Variants in ELN observed in about 807,000 individuals in gnomAD.
ELN encodes the protein elastin, also known as tropoelastin.
ELN carries 65 observed loss-of-function variants against 105.8 expected under a neutral mutation model. The ratio of observed to expected loss-of-function variants is 0.61; its 90% CI spans 0.50 to 0.75. ELN has a LOEUF of 0.75. Ranked by LOEUF, ELN falls within the 30% of genes least tolerant of loss-of-function variation. The pLI is 0.00. For missense variants in ELN, 882 were observed against 969.4 expected (o/e 0.91, Z 1.20); for synonymous variants, 368 against 389.2 (o/e 0.95, Z 0.64).
At chr7:74,047,740 T>C (rs781898413) in intron 13 of ELN, 24 bp downstream of exon 13, 22 of 1,614,076 alleles carry the variant, frequency 1.4e-5, no homozygotes, top group Non-Finnish European at 1.9e-5. Flanking sequence ...TTCTAGACTG[T>C]GGGCTTCCAG....
At position 74,033,722 on chromosome 7, in the gene ELN, C is replaced by A. The variant is rs532038323; in HGVS notation, c.83-1642C>A. On this transcript the variant is annotated intron_variant, in intron 1 of 32. Coordinates refer to ENST00000252034, the MANE Select transcript of ELN (RefSeq NM_000501.4). ...CAGCAAGCCCAGCTGTGCAGCGTCG[C>A]CAGGCCTCAGAGGCCAGACGTCTGG... Among the ~76,000 whole-genome samples the A allele has an allele frequency of 3.9e-5, 6 of 152,344 alleles. No individual in the cohort carries two copies. In the South Asian group the frequency reaches 1.2e-3, roughly 32 times the overall value.
chr7:74,029,113 G>C (rs901218973), intron 1 of ELN, among the ~76,000 whole-genome samples: 1 of 152,178 alleles, frequency 6.6e-6, no homozygotes, highest in Non-Finnish European at 1.5e-5. Context: ...CAGACATGTA[G>C]ACATGTACAC....
rs372788076 is a variant in ELN, at chr7:74,060,008, G to A, written c.1537G>A (p.Val513Ile). 124 of 1,614,034 alleles carry A rather than the reference G, an allele frequency of 7.7e-5. No homozygotes were observed. Among genetic ancestry groups the A allele is most frequent in the Non-Finnish European group, 8.8e-5 (104 of 1,179,996 alleles). Residue 513 changes from valine to isoleucine, a missense_variant, in exon 23 of 33, where the codon GTT becomes ATT. By Grantham distance (29) the Val-to-Ile change is conservative (BLOSUM62 3). Transcript: ENST00000252034. ...TCCTGGAGTTGGTGTGGCTCCTGGCGTTGGCGTGGCTCCCGGCATTGGCCC... is the reference window on the plus strand; with the variant it reads ...TCCTGGAGTTGGTGTGGCTCCTGGCATTGGCGTGGCTCCCGGCATTGGCCC... ...VAPGVGVAPG[V>I]GVAPGIGPGG...
Position 74,043,043 on chromosome 7 carries a change from G to T in ELN, c.376+9G>T, listed in dbSNP as rs199558693. Reference sequence around the variant, plus strand: ...CTTAGGAGTGTCTGCAGGTACGATGGCTATCCCCGAACTCCCTGGGTCAAA... The same window carrying T: ...CTTAGGAGTGTCTGCAGGTACGATGTCTATCCCCGAACTCCCTGGGTCAAA... On this transcript the variant is annotated intron_variant, in intron 7 of 32. Coordinates refer to ENST00000252034, the MANE Select transcript of ELN (RefSeq NM_000501.4). 2 of 1,614,158 alleles carry T rather than the reference G, an allele frequency of 1.2e-6. No individual in the cohort carries two copies. Among genetic ancestry groups the T allele is most frequent in the African/African-American group, 2.7e-5 (2 of 75,032 alleles).
intron 25 of ELN, 21 bp from the exon 26 acceptor site, chr7:74,061,080 C>A: frequency 6.2e-7 from 1 of 1,614,116 alleles, no homozygotes; most frequent in South Asian, 1.1e-5. Context: ...TGACCACTCC[C>A]CAACTTTTCT....
At chr7:74,056,755 C>A in intron 21 of ELN, 42 bp downstream of exon 21, 5 of 1,612,952 alleles carry the variant, frequency 3.1e-6, no homozygotes, top group South Asian at 1.1e-5. Context: ...CCTGCTCTCC[C>A]GCGGGGCTCA....
chr7:74,040,422 T>A (rs1217268755), intron 4 of ELN, among the ~76,000 whole-genome samples: 1 of 152,020 alleles, frequency 6.6e-6, no homozygotes, highest in Non-Finnish European at 1.5e-5. Flanking sequence ...TAGTAGGAAA[T>A]GAGGGACGAG....
chr7:74,029,392 G>A (rs1225520742), intron 1 of ELN, among the ~76,000 whole-genome samples: 2 of 152,126 alleles, frequency 1.3e-5, no homozygotes, highest in African/African-American at 4.8e-5. Flanking sequence ...TGTGCCCTGT[G>A]GGGCTGCTAT....
intron 29 of ELN, among the ~76,000 whole-genome samples, chr7:74,065,093 T>C (rs901728980): frequency 3.7e-4 from 56 of 151,262 alleles, no homozygotes; most frequent in African/African-American, 1.3e-3. Flanking sequence ...CTCTACGAAA[T>C]ATTTAAAAAT....
chr7:74,028,757 TC>T (rs1407580082), intron 1 of ELN, among the ~76,000 whole-genome samples: 4 of 152,086 alleles, frequency 2.6e-5, no homozygotes, highest in Non-Finnish European at 5.9e-5. Flanking sequence ...GAAGCCGGGA[TC>T]CCCCCGTCAG....
Position 74,046,743 on chromosome 7 carries a change from C to G in ELN, c.619C>G (p.Pro207Ala). 1 of 1,614,152 alleles carries G rather than the reference C, an allele frequency of 6.2e-7. No homozygotes were observed. The change falls in exon 12 of 33, where the codon CCC becomes GCC. Residue 207 changes from proline (P) to alanine (A), a missense_variant. Transcript: ENST00000252034. ...GPQPGVPLGY[P>A]IKAPKLPGGY... Reference sequence around the variant, plus strand: ...GCAACCTGGAGTCCCACTGGGGTATCCCATCAAGGCCCCCAAGCTGCCTGG... The same window carrying G: ...GCAACCTGGAGTCCCACTGGGGTATGCCATCAAGGCCCCCAAGCTGCCTGG...
At chr7:74,036,249 G>A (rs897002381) in intron 2 of ELN, among the ~76,000 whole-genome samples, 5 of 151,830 alleles carry the variant, frequency 3.3e-5, no homozygotes, top group Non-Finnish European at 4.4e-5. Context: ...AGCCGAGATC[G>A]CGCCACTGCA....
chr7:74,043,880 T>C lies in ELN; in HGVS notation c.429T>C (p.Gly143=), dbSNP rs1554670374. 3.1e-6 allele frequency: 5 copies of C among 1,613,786 alleles called. No homozygotes were observed. In the African/African-American group the frequency reaches 6.7e-5, roughly 22 times the overall value. ...GAGVKPGKVP[G]VGLPGVYPGG... is the part of the protein sequence containing the mutation. ...AACTTTGCTTTCTTTTGGCCACAGG[T>C]GTGGGGCTGCCAGGTGTATACCCAG... The change falls in exon 9 of 33, where the codon GGT becomes GGC. Residue 143 remains glycine (G), a splice_region_variant and synonymous_variant. Coordinates refer to ENST00000252034, the MANE Select transcript of ELN (RefSeq NM_000501.4).
chr7:74,042,846 G>A (rs1294460080), intron 6 of ELN, 138 bp from the exon 7 acceptor site: 6 of 1,544,340 alleles, frequency 3.9e-6, no homozygotes, highest in Non-Finnish European at 5.3e-6. Flanking sequence ...GGCTCAGGGA[G>A]GCAGCTAGCT....
chr7:74,048,061 C>T (rs552335946), intron 13 of ELN, 81 bp from the exon 14 acceptor site: 14 of 1,574,590 alleles, frequency 8.9e-6, no homozygotes, highest in Admixed American at 6.7e-5. Flanking sequence ...CAGCTTGGGC[C>T]CCGAGGGCAG....
chr7:74,052,367 A>T (rs1033967741), intron 17 of ELN: 6 of 273,594 alleles, frequency 2.2e-5, no homozygotes, highest in Non-Finnish European at 4.3e-5. Context: ...TTGGGAGGCT[A>T]AAACCAGGAG....
intron 12 of ELN, among the ~76,000 whole-genome samples, 153 bp from the exon 13 acceptor site, chr7:74,047,522 A>G (rs909567765): frequency 3.3e-5 from 5 of 152,040 alleles, no homozygotes; most frequent in Non-Finnish European, 5.9e-5. Context: ...TCCCTCCTTC[A>G]CCCAGCGCCT....
intron 29 of ELN, among the ~76,000 whole-genome samples, chr7:74,065,301 G>T (rs1554688293): frequency 2.0e-5 from 3 of 151,912 alleles, no homozygotes; most frequent in Non-Finnish European, 4.4e-5. Context: ...TGGGCAGACG[G>T]TAAAGGGTGA....
At chr7:74,033,868 C>T (rs890837738) in intron 1 of ELN, among the ~76,000 whole-genome samples, 1 of 152,168 alleles carries the variant, frequency 6.6e-6, no homozygotes, top group Non-Finnish European at 1.5e-5. Context: ...GGGGCGTTGG[C>T]AAGGTGGCTT....
Sources: gnomAD v4.1 joint callset for allele counts (sites outside exome capture counted in the v4.1 genomes callset) on GRCh38, gnomAD v4.1.1 for gene constraint, MANE v1.5 for transcripts, NCBI Gene and HGNC (gene_info 2026-07-23, HGNC 2026-07-21) for gene names.